The following SMARCA2 variants were observed in gnomAD, a reference collection of about 807,000 sequenced individuals.
SMARCA2 encodes SWI/SNF-related matrix-associated actin-dependent regulator of chromatin subfamily A member 2.
SMARCA2 carries 61 observed loss-of-function variants against 199.8 expected under a neutral mutation model. The ratio of observed to expected loss-of-function variants is 0.31; its 90% CI spans 0.25 to 0.38. SMARCA2 has a LOEUF of 0.38. Ranked by LOEUF, SMARCA2 falls within the 10% of genes least tolerant of loss-of-function variation. The probability of loss-of-function intolerance (pLI) is 1.00; values close to 1 mark genes in which losing one functional copy is unlikely to be tolerated. For missense variants in SMARCA2, 1,344 were observed against 2,012.2 expected (o/e 0.67, Z 6.35); for synonymous variants, 935 against 732.0 (o/e 1.28, Z -4.48).
At chr9:2,134,948 A>T (rs1824129918) in intron 27 of SMARCA2, among the ~76,000 whole-genome samples, 1 of 152,084 alleles carries the variant, frequency 6.6e-6, no homozygotes, top group South Asian at 2.1e-4. Context: ...GTTATTTATA[A>T]GCTATATTAG....
chr9:2,102,947 A>C (rs1586707628), intron 22 of SMARCA2, among the ~76,000 whole-genome samples: 1 of 149,058 alleles, frequency 6.7e-6, no homozygotes, highest in African/African-American at 2.5e-5. Flanking sequence ...ACTTCTGTTT[A>C]AGCCATGCTC....
intron 29 of SMARCA2, among the ~76,000 whole-genome samples, chr9:2,171,915 C>T (rs931576108): frequency 2.0e-5 from 3 of 152,186 alleles, no homozygotes; most frequent in East Asian, 3.8e-4. Context: ...TGCAAGTCCC[C>T]AGTGCCATGC....
At chr9:2,088,758 G>C (rs1304499063) in intron 19 of SMARCA2, 145 bp downstream of exon 19, 2 of 626,208 alleles carry the variant, frequency 3.2e-6, no homozygotes, top group African/African-American at 3.8e-5. Flanking sequence ...TTGTTTTTTT[G>C]TTTGATAGGG....
intron 27 of SMARCA2, chr9:2,159,802 T>G (rs1278986665): frequency 6.2e-7 from 1 of 1,607,300 alleles, no homozygotes; most frequent in Non-Finnish European, 8.5e-7. Context: ...CTCTCTTTTT[T>G]TTCCTGATCA....
At chr9:2,113,809 G>A (rs1348488158) in intron 24 of SMARCA2, among the ~76,000 whole-genome samples, 1 of 152,162 alleles carries the variant, frequency 6.6e-6, no homozygotes, top group Non-Finnish European at 1.5e-5. Context: ...TATTTTTGTG[G>A]TTTTGTCAGC....
intron 29 of SMARCA2, among the ~76,000 whole-genome samples, chr9:2,172,238 G>GA (rs34959070): frequency 0.44 from 65,632 of 149,946 alleles, 14,599 homozygotes; most frequent in Admixed American, 0.51. Context: ...ACTGAAAATG[G>GA]AAAAAAAAAA....
chr9:2,157,891 G>A lies in SMARCA2; in HGVS notation c.3982-3795G>A, dbSNP rs1586767131. 1 of 398,422 alleles carries A rather than the reference G, an allele frequency of 2.5e-6. No homozygotes were observed. The highest frequency in any genetic ancestry group is 2.1e-5 in the African/African-American group (1 of 48,598). 24.7% of individuals were successfully genotyped at this position (398,422 alleles called of 1,614,324 possible). ...CCGTCACGCAGTAAAGATGTGGTTG[G>A]TGTGTGTCAGGATGAGAGGGCCACG... On this transcript the variant is annotated intron_variant, in intron 27 of 33. Transcript: ENST00000349721.
intron 5 of SMARCA2, among the ~76,000 whole-genome samples, chr9:2,048,277 G>T (rs949790507): frequency 4.6e-5 from 7 of 152,168 alleles, no homozygotes; most frequent in African/African-American, 1.7e-4. Context: ...ATAAAATGAA[G>T]CTAAGGTTGT....
At chr9:2,088,191 T>C (rs1348651006) in intron 18 of SMARCA2, among the ~76,000 whole-genome samples, 1 of 152,218 alleles carries the variant, frequency 6.6e-6, no homozygotes, top group Non-Finnish European at 1.5e-5. Flanking sequence ...CTTCAGTCTG[T>C]CTTCATTGAC....
At chr9:2,125,144 T>C (rs1051896110) in intron 27 of SMARCA2, among the ~76,000 whole-genome samples, 2 of 152,156 alleles carry the variant, frequency 1.3e-5, no homozygotes, top group Non-Finnish European at 2.9e-5. Context: ...ACTCAGGATG[T>C]TGTATGATGA....
In SMARCA2 at chr9:2,104,012, G is replaced by C. The variant is rs756712773; in HGVS notation, c.3135G>C (p.Leu1045=). The change falls in exon 23 of 34, where the codon CTG becomes CTC. Residue 1045 remains leucine (L), a synonymous_variant. Coordinates refer to ENST00000349721, the MANE Select transcript of SMARCA2 (RefSeq NM_003070.5). The surrounding 1 kb of genome is among the most constrained non-coding windows in gnomAD (Gnocchi z 4.0). Reference sequence around the variant, plus strand: ...ATTTTTTTGGGTTCAGGGCTGAACTGTATCGGGCCTCAGGGAAGTTTGAGC... The same window carrying C: ...ATTTTTTTGGGTTCAGGGCTGAACTCTATCGGGCCTCAGGGAAGTTTGAGC... ...YSNGVINGAE[L]YRASGKFELL... 1.9e-6 allele frequency: 3 copies of C among 1,613,890 alleles called. No homozygotes were observed. The African/African-American group carries it at 4.0e-5, about 22-fold the overall frequency.
chr9:2,060,996 C>G lies in SMARCA2; in HGVS notation c.1692+10C>G, dbSNP rs749673454. Reference sequence around the variant, plus strand: ...GAGGAGGAGGAAGAAGGTGCGTATCCTAGTGGTGGTGGCTGAGTCCAGGGT... The same window carrying G: ...GAGGAGGAGGAAGAAGGTGCGTATCGTAGTGGTGGTGGCTGAGTCCAGGGT... On this transcript the variant is annotated intron_variant, in intron 9 of 33. Coordinates refer to ENST00000349721, the MANE Select transcript of SMARCA2 (RefSeq NM_003070.5). 73 of 1,611,778 alleles carry G rather than the reference C, an allele frequency of 4.5e-5. No homozygotes were observed. Among genetic ancestry groups the G allele is most frequent in the Non-Finnish European group, 5.3e-5 (63 of 1,179,086 alleles).
At chr9:2,027,454 A>G (rs976180317) in intron 1 of SMARCA2, among the ~76,000 whole-genome samples, 2 of 152,204 alleles carry the variant, frequency 1.3e-5, no homozygotes, top group Non-Finnish European at 2.9e-5. Context: ...AATATGAAAA[A>G]TTAAAATAAA....
At chr9:2,191,746 T>G in intron 33 of SMARCA2, 1 of 203,368 alleles carries the variant, frequency 4.9e-6, no homozygotes, top group Non-Finnish European at 1.0e-5. Context: ...GCCAGCATGG[T>G]GCCTGGTACA....
intron 19 of SMARCA2, 136 bp downstream of exon 19, chr9:2,088,749 TG>T (rs1821917218): frequency 4.6e-6 from 3 of 653,682 alleles, no homozygotes; most frequent in South Asian, 2.0e-5. Flanking sequence ...TATCTTAAAT[TG>T]TTTTTTTGTT....
intron 18 of SMARCA2, among the ~76,000 whole-genome samples, chr9:2,087,613 G>A (rs1034016838): frequency 7.2e-5 from 11 of 151,798 alleles, no homozygotes; most frequent in African/African-American, 2.7e-4. Flanking sequence ...TCCTGGAGTA[G>A]CCATTTATTT....
intron 4 of SMARCA2, chr9:2,041,325 T>C: frequency 1.3e-5 from 5 of 398,622 alleles, no homozygotes; most frequent in South Asian, 1.3e-4. Context: ...AATTTATTTC[T>C]TACAGCTCTG....
At chr9:2,096,546 A>G in intron 19 of SMARCA2, 111 bp from the exon 20 acceptor site, 1 of 703,840 alleles carries the variant, frequency 1.4e-6, no homozygotes, top group Non-Finnish European at 2.6e-6. Context: ...TCCAAGAAAG[A>G]GAAAGAGAGA....
intron 29 of SMARCA2, among the ~76,000 whole-genome samples, chr9:2,180,897 TTGTGAAA>T (rs1367801896): frequency 6.6e-6 from 1 of 152,156 alleles, no homozygotes; most frequent in Non-Finnish European, 1.5e-5. Context: ...ACACTTAAGC[TTGTGAAA>T]CATGTTCTTC....
Sources: allele counts gnomAD v4.1 joint callset (sites outside exome capture counted in the v4.1 genomes callset), GRCh38; gene constraint gnomAD v4.1.1; non-coding constraint Gnocchi (gnomAD v3.1); transcripts MANE v1.5; gene names NCBI Gene and HGNC (gene_info 2026-07-23, HGNC 2026-07-21).